FMN1: variants seen among roughly 807,000 people sequenced by gnomAD.
FMN1 encodes the protein formin 1.
Under a neutral mutation model 132.4 loss-of-function variants are expected in FMN1, and 110 were observed. The ratio of observed to expected loss-of-function variants is 0.83; its 90% CI spans 0.71 to 0.97. The LOEUF is 0.97. Among genes scored for constraint, FMN1 ranks in the 50% least tolerant of loss-of-function variants. FMN1 has a pLI of 0.00. For synonymous variants in FMN1, 722 were observed against 651.7 expected (o/e 1.11, Z -1.64); for missense variants, 1,792 against 1,705.3 (o/e 1.05, Z -0.90).
intron 4 of FMN1, among the ~76,000 whole-genome samples, chr15:33,106,867 GT>G (rs1436442090): frequency 6.6e-6 from 1 of 151,986 alleles, no homozygotes; most frequent in Non-Finnish European, 1.5e-5. Context: ...CCAAAGATAT[GT>G]GCAGAATCTT....
At chr15:32,817,771 G>A (rs902659777) in intron 17 of FMN1, among the ~76,000 whole-genome samples, 2 of 152,230 alleles carry the variant, frequency 1.3e-5, no homozygotes, top group South Asian at 2.1e-4. Flanking sequence ...AGTGCTGACA[G>A]TGAATTTATC....
chr15:33,167,331 T>G (rs1035355318), intron 3 of FMN1, among the ~76,000 whole-genome samples: 2 of 152,224 alleles, frequency 1.3e-5, no homozygotes, highest in Non-Finnish European at 2.9e-5. Context: ...ATGTAAGATG[T>G]GCCTTTACTT....
intron 10 of FMN1, among the ~76,000 whole-genome samples, chr15:32,918,306 A>AT (rs2060733823): frequency 6.6e-6 from 1 of 152,178 alleles, no homozygotes; most frequent in African/African-American, 2.4e-5. Context: ...ATCCAAACAG[A>AT]TAAAAAAAAA....
At chr15:33,040,662 T>C (rs1021554577) in intron 6 of FMN1, among the ~76,000 whole-genome samples, 1 of 152,212 alleles carries the variant, frequency 6.6e-6, no homozygotes, top group Admixed American at 6.5e-5. Flanking sequence ...ATGTCTAAGA[T>C]TACACCACCA....
chr15:32,906,877 G>C (rs542113658), intron 12 of FMN1, among the ~76,000 whole-genome samples: 8 of 152,238 alleles, frequency 5.3e-5, no homozygotes, highest in African/African-American at 1.4e-4. Context: ...CTACTTTGAG[G>C]GGGGATCCTG....
intron 7 of FMN1, among the ~76,000 whole-genome samples, chr15:33,002,997 T>G (rs532439752): frequency 6.6e-6 from 1 of 152,304 alleles, no homozygotes; most frequent in African/African-American, 2.4e-5. Context: ...AGAAAAGGCC[T>G]TTGACAAAAT....
At chr15:32,852,237 A>T (rs2059025341) in intron 17 of FMN1, among the ~76,000 whole-genome samples, 1 of 152,152 alleles carries the variant, frequency 6.6e-6, no homozygotes, top group Non-Finnish European at 1.5e-5. Flanking sequence ...TCAGTATCCA[A>T]CCAGTTATCC....
intron 6 of FMN1, among the ~76,000 whole-genome samples, chr15:33,029,119 A>G (rs536259948): frequency 1.8e-4 from 27 of 152,322 alleles, no homozygotes; most frequent in Admixed American, 1.6e-3. Flanking sequence ...ACAGAGTCTC[A>G]GAGGTCACTT....
At chr15:32,987,180 G>C (rs576107405) in intron 7 of FMN1, among the ~76,000 whole-genome samples, 5 of 152,162 alleles carry the variant, frequency 3.3e-5, no homozygotes, top group East Asian at 1.9e-4. Context: ...GTGTTTCAAA[G>C]GTTAATACCT....
At chr15:32,976,151 C>T (rs1279025417) in intron 7 of FMN1, among the ~76,000 whole-genome samples, 3 of 152,160 alleles carry the variant, frequency 2.0e-5, no homozygotes, top group African/African-American at 7.2e-5. Flanking sequence ...TGCTGTACAA[C>T]TTAAGTCAGT....
chr15:33,086,075 C>A (rs1049107745), intron 5 of FMN1, among the ~76,000 whole-genome samples: 1 of 151,902 alleles, frequency 6.6e-6, no homozygotes, highest in Non-Finnish European at 1.5e-5. Flanking sequence ...CACAGTGAAA[C>A]CCCGTTTCTA....
At chr15:33,148,679 C>T (rs1010519052) in intron 4 of FMN1, among the ~76,000 whole-genome samples, 26 of 151,826 alleles carry the variant, frequency 1.7e-4, no homozygotes, top group African/African-American at 6.3e-4. Flanking sequence ...TGACCACGCA[C>T]GCCTTCCCTT....
chr15:33,043,307 C>T (rs371396114), intron 6 of FMN1, among the ~76,000 whole-genome samples: 183 of 152,240 alleles, frequency 1.2e-3, no homozygotes, highest in African/African-American at 4.1e-3. Flanking sequence ...AGGTGTAAAC[C>T]GACTGTAGCC....
chr15:33,123,597 G>A (rs184350668), intron 4 of FMN1, among the ~76,000 whole-genome samples: 10 of 152,108 alleles, frequency 6.6e-5, no homozygotes, highest in African/African-American at 2.2e-4. Context: ...TATGGTATGG[G>A]GGTACAGGTT....
chr15:32,866,079 G>A (rs540208186), intron 16 of FMN1, among the ~76,000 whole-genome samples: 3 of 151,804 alleles, frequency 2.0e-5, no homozygotes, highest in Non-Finnish European at 4.4e-5. Context: ...GGCCTGTTGT[G>A]GGGTGGCGGG....
chr15:32,997,077 A>C (rs1241298129), intron 7 of FMN1, among the ~76,000 whole-genome samples: 1 of 152,224 alleles, frequency 6.6e-6, no homozygotes, highest in African/African-American at 2.4e-5. Context: ...TATGAGATTC[A>C]GGTTTCAAAT....
intron 10 of FMN1, among the ~76,000 whole-genome samples, chr15:32,922,992 G>T (rs960893114): frequency 1.3e-5 from 2 of 152,074 alleles, no homozygotes; most frequent in Admixed American, 6.5e-5. Context: ...AATTTTTTTT[G>T]TTGTTGTTGT....
rs2056338020 is a variant in FMN1 at position 32,774,150 on chromosome 15, A to G, written c.*160T>C. ...CGGCTTAATGAGGGACTTCTTAAAG[A>G]AGGCATGGGGCACTCTCTGCAGATG... is the stretch of plus-strand genomic sequence containing the variant. On this transcript the variant is annotated 3_prime_UTR_variant, in exon 21 of 21. Coordinates refer to ENST00000616417, the MANE Select transcript of FMN1 (RefSeq NM_001277313.2). The G allele has an allele frequency of 2.1e-5, 13 of 630,608 alleles. No homozygotes were observed. The highest frequency in any genetic ancestry group is 1.0e-4 in the Admixed American group (3 of 28,626). 39.1% of individuals were successfully genotyped at this position (630,608 alleles called of 1,614,324 possible). A position where few individuals can be genotyped will look rare whatever the true frequency, so the allele number is the denominator to read the frequency against.
At chr15:32,908,688 A>G (rs1003920215) in intron 11 of FMN1, 110 bp from the exon 12 acceptor site, 1 of 660,014 alleles carries the variant, frequency 1.5e-6, no homozygotes, top group Admixed American at 2.8e-5. Flanking sequence ...CTAGACTAGC[A>G]GCATCAACAA....
Sources: allele counts gnomAD v4.1 joint callset (sites outside exome capture counted in the v4.1 genomes callset), GRCh38; gene constraint gnomAD v4.1.1; transcripts MANE v1.5; gene names NCBI Gene and HGNC (gene_info 2026-07-23, HGNC 2026-07-21).